PIEZO2: variants seen among roughly 807,000 people sequenced by gnomAD.
The protein encoded by PIEZO2 is piezo type mechanosensitive ion channel component 2.
In PIEZO2, 172 loss-of-function variants were observed where a neutral mutation model predicts 337.3. That is an observed-to-expected ratio of 0.51 (90% CI 0.45 to 0.58). The LOEUF (loss-of-function observed/expected upper bound fraction) is 0.58. PIEZO2 is among the 20% of genes least tolerant of loss of function. The probability of loss-of-function intolerance (pLI) is 0.00; values close to 1 mark genes in which losing one functional copy is unlikely to be tolerated. For missense variants in PIEZO2, 3,028 were observed against 3,391.3 expected (o/e 0.89, Z 2.66); for synonymous variants, 1,251 against 1,228.5 (o/e 1.02, Z -0.38).
chr18:10,844,422 G>GATAAAATAAAATA (rs2041287095), intron 7 of PIEZO2, among the ~76,000 whole-genome samples: 1 of 144,284 alleles, frequency 6.9e-6, no homozygotes. Context: ...TGTCTCAAAA[G>GATAAAATAAAATA]ATAAAATAAA....
chr18:10,688,043 G>T (rs1246561303), intron 49 of PIEZO2, among the ~76,000 whole-genome samples: 2 of 152,056 alleles, frequency 1.3e-5, no homozygotes, highest in Non-Finnish European at 2.9e-5. Flanking sequence ...GAATGTGTAG[G>T]TTTGTTACAT....
chr18:10,748,636 G>A lies in PIEZO2; in HGVS notation c.4265-6C>T. The A allele has an allele frequency of 1.4e-6, 2 of 1,437,850 alleles. No homozygotes were observed. The highest frequency in any genetic ancestry group is 1.8e-6 in the Non-Finnish European group (2 of 1,103,234). 89.1% of individuals were successfully genotyped at this position (1,437,850 alleles called of 1,614,324 possible). A position where few individuals can be genotyped will look rare whatever the true frequency, so the allele number is the denominator to read the frequency against. On this transcript the variant is annotated splice_polypyrimidine_tract_variant and splice_region_variant and intron_variant, in intron 29 of 55. Coordinates refer to ENST00000674853, the MANE Select transcript of PIEZO2 (RefSeq NM_001378183.1). The surrounding 1 kb of genome is among the most constrained non-coding windows in gnomAD (Gnocchi z 5.1). ...ACAGGGTGAATTAGCAGCAGCTATA[G>A]TAACAGTAGAAAAACACACATTAAA...
At chr18:10,891,616 A>G (rs1451433258) in intron 4 of PIEZO2, among the ~76,000 whole-genome samples, 1 of 152,298 alleles carries the variant, frequency 6.6e-6, no homozygotes, top group South Asian at 2.1e-4. Flanking sequence ...CTACCAGGTG[A>G]CTTCAGGTCA....
At chr18:10,921,537 G>A (rs1037900156) in intron 3 of PIEZO2, among the ~76,000 whole-genome samples, 1 of 152,040 alleles carries the variant, frequency 6.6e-6, no homozygotes, top group African/African-American at 2.4e-5. Flanking sequence ...ATCAGCTGAG[G>A]AGGATGTATG....
chr18:10,876,339 T>C (rs2042268060), intron 4 of PIEZO2, among the ~76,000 whole-genome samples: 1 of 152,238 alleles, frequency 6.6e-6, no homozygotes, highest in African/African-American at 2.4e-5. Context: ...CTGGAAACCA[T>C]TTCTTACCAG....
intron 2 of PIEZO2, among the ~76,000 whole-genome samples, chr18:11,029,889 C>T (rs889510277): frequency 1.3e-5 from 2 of 152,162 alleles, no homozygotes; most frequent in Non-Finnish European, 2.9e-5. Context: ...ACCAGTAATT[C>T]CACCATGGCC....
chr18:10,796,234 G>A (rs913870113), intron 12 of PIEZO2, among the ~76,000 whole-genome samples: 5 of 152,034 alleles, frequency 3.3e-5, no homozygotes, highest in Admixed American at 2.0e-4. Flanking sequence ...GCCGGGCGTG[G>A]TGGCAGGCGC....
In PIEZO2 at chr18:10,731,392, C is replaced by G. The variant is rs78691268; in HGVS notation, c.5029+15G>C. 110,939 of 1,518,384 alleles carry G rather than the reference C, an allele frequency of 0.073. 4,324 individuals are homozygous for G. The highest frequency in any genetic ancestry group is 0.082 in the African/African-American group (5,894 of 72,262). The allele number at this position is 1,518,384 out of a possible 1,614,324, so 94.1% of individuals were successfully genotyped here. Reference sequence around the variant, plus strand: ...ACCTGCCACACCCACCACAGCCACCCCACCCACCACTCACCCTCCTTGGAT... The same window carrying G: ...ACCTGCCACACCCACCACAGCCACCGCACCCACCACTCACCCTCCTTGGAT... On this transcript the variant is annotated intron_variant, in intron 36 of 55. Transcript: ENST00000674853.
chr18:11,065,621 T>C (rs1054340627), intron 2 of PIEZO2, among the ~76,000 whole-genome samples: 2 of 152,212 alleles, frequency 1.3e-5, no homozygotes, highest in African/African-American at 4.8e-5. Context: ...AATTATTCTC[T>C]TTCATTATGC....
At position 11,129,548 on chromosome 18, in the gene PIEZO2, GC is replaced by G. The variant is rs2040281163; in HGVS notation, c.64+18976del. ...TTTGAATTATAAAAACAGAATCACAGCCCCTCAATCAATTTCCAGACTTGAG... is the reference window on the plus strand; with the variant it reads ...TTTGAATTATAAAAACAGAATCACAGCCCTCAATCAATTTCCAGACTTGAG... On this transcript the variant is annotated intron_variant, in intron 1 of 55. Transcript: ENST00000674853. This position sits in a 1 kb window ranked among gnomAD's most constrained non-coding sequence, Gnocchi z 4.6. Among the ~76,000 whole-genome samples, 2 of 152,126 alleles carry G rather than the reference GC, an allele frequency of 1.3e-5. No individual in the cohort carries two copies. The highest frequency in any genetic ancestry group is 4.1e-4 in the South Asian group (2 of 4,828).
intron 4 of PIEZO2, chr18:10,908,719 A>G (rs1190379888): frequency 6.6e-6 from 1 of 152,224 alleles, no homozygotes; most frequent in Non-Finnish European, 1.5e-5. Flanking sequence ...CAGAATGATC[A>G]CCAAAGGCCC....
rs751229811 is a variant in PIEZO2 at position 10,789,147 on chromosome 18, C to T, written c.2101G>A (p.Glu701Lys). Residue 701 changes from glutamate to lysine, a missense_variant, in exon 15 of 56, where the codon GAG (glutamate) becomes AAG (lysine). Glu to Lys is a moderately conservative substitution (Grantham distance 56, BLOSUM62 1). This residue lies in a region of PIEZO2 where 1,925 missense variants were observed against 2,051.9 expected (regional missense o/e 0.94). Coordinates refer to ENST00000674853, the MANE Select transcript of PIEZO2 (RefSeq NM_001378183.1). ...ATTTTGTACATTACGATTTTACCCT[C>T]GAAGCTGACGAAGAAGAACATGCCT... ...CGGMFFFVSFEGKIVMYKIIY... is the reference protein window; with the variant it reads ...CGGMFFFVSFKGKIVMYKIIY... 1.5e-5 allele frequency: 23 copies of T among 1,537,144 alleles called. No individual in the cohort carries two copies. Among genetic ancestry groups the T allele is most frequent in the Admixed American group, 2.0e-5 (1 of 50,984 alleles).
chr18:11,146,371 G>C lies in PIEZO2; in HGVS notation c.64+2154C>G, dbSNP rs773454935. ...AGCCAGCAGGAGGTGAACAGTGTGCGGGCACCACAGAAGAAGCTCGGTGGG... is the reference window on the plus strand; with the variant it reads ...AGCCAGCAGGAGGTGAACAGTGTGCCGGCACCACAGAAGAAGCTCGGTGGG... On this transcript the variant is annotated intron_variant, in intron 1 of 55. Coordinates refer to ENST00000674853, the MANE Select transcript of PIEZO2 (RefSeq NM_001378183.1). The surrounding 1 kb of genome is among the most constrained non-coding windows in gnomAD (Gnocchi z 6.1). Among the ~76,000 whole-genome samples the C allele has an allele frequency of 6.6e-6, 1 of 152,146 alleles. No homozygotes were observed. Among genetic ancestry groups the C allele is most frequent in the African/African-American group, 2.4e-5 (1 of 41,418 alleles).
chr18:11,071,660 A>C (rs1206116855), intron 1 of PIEZO2, among the ~76,000 whole-genome samples: 1 of 152,160 alleles, frequency 6.6e-6, no homozygotes, highest in Non-Finnish European at 1.5e-5. Context: ...TGAAGCCCAG[A>C]GGTGAGGGAG....
At chr18:11,065,305 TTTTCC>T (rs1295082640) in intron 2 of PIEZO2, among the ~76,000 whole-genome samples, 7 of 152,256 alleles carry the variant, frequency 4.6e-5, no homozygotes, top group Non-Finnish European at 7.3e-5. Context: ...AACAACTTCC[TTTTCC>T]TTTCATGTAA....
intron 4 of PIEZO2, among the ~76,000 whole-genome samples, chr18:10,875,525 AG>A (rs562987730): frequency 2.0e-5 from 3 of 152,202 alleles, no homozygotes; most frequent in Non-Finnish European, 4.4e-5. Flanking sequence ...GAGTAGTAGT[AG>A]GTTGGTACTA....
chr18:10,829,582 G>A (rs1182836581), intron 7 of PIEZO2, among the ~76,000 whole-genome samples: 1 of 152,034 alleles, frequency 6.6e-6, no homozygotes, highest in Non-Finnish European at 1.5e-5. Context: ...ATTGAGAGCT[G>A]ACAAACAAGT....
Position 11,048,621 on chromosome 18 carries a change from TGA to T in PIEZO2, c.160+17504_160+17505del, listed in dbSNP as rs1367083872. ...TGAGGGAAATGCTTATATAGATAAC[TGA>T]ATTATTTATATTAGAAGCTTTCACT... On this transcript the variant is annotated intron_variant, in intron 2 of 55. Transcript: ENST00000674853. This position sits in a 1 kb window ranked among gnomAD's most constrained non-coding sequence, Gnocchi z 4.5. Among the ~76,000 whole-genome samples the T allele has an allele frequency of 1.3e-5, 2 of 152,224 alleles. No individual in the cohort carries two copies. The highest frequency in any genetic ancestry group is 2.9e-5 in the Non-Finnish European group (2 of 68,036).
At position 10,878,892 on chromosome 18, in the gene PIEZO2, G is replaced by T. The variant is rs1342921785; in HGVS notation, c.330-7477C>A. Reference sequence around the variant, plus strand: ...AGGAGAAACAGTGACGTGGCTGCTGGTAGTGCAGGTGGTGTTTTCACAATG... The same window carrying T: ...AGGAGAAACAGTGACGTGGCTGCTGTTAGTGCAGGTGGTGTTTTCACAATG... On this transcript the variant is annotated intron_variant, in intron 4 of 55. Coordinates refer to ENST00000674853, the MANE Select transcript of PIEZO2 (RefSeq NM_001378183.1). This position sits in a 1 kb window ranked among gnomAD's most constrained non-coding sequence, Gnocchi z 4.3. Among the ~76,000 whole-genome samples the T allele has an allele frequency of 6.6e-6, 1 of 152,190 alleles. No individual in the cohort carries two copies. Among genetic ancestry groups the T allele is most frequent in the Non-Finnish European group, 1.5e-5 (1 of 68,028 alleles).
Sources: gnomAD v4.1 joint callset for allele counts (sites outside exome capture counted in the v4.1 genomes callset) on GRCh38, gnomAD v4.1.1 for gene constraint, gnomAD v4.1.1 regional missense constraint, Gnocchi (gnomAD v3.1) non-coding constraint, MANE v1.5 for transcripts, NCBI Gene and HGNC (gene_info 2026-07-23, HGNC 2026-07-21) for gene names.